DYRK1A: variants seen among roughly 807,000 people sequenced by gnomAD.
DYRK1A encodes the protein dual specificity tyrosine-phosphorylation-regulated kinase 1A.
In DYRK1A, 9 loss-of-function variants were observed where a neutral mutation model predicts 79.7. That is an observed-to-expected ratio of 0.11 (90% CI 0.07 to 0.20). The LOEUF is 0.20. DYRK1A is among the 10% of genes least tolerant of loss of function. The pLI, the probability that DYRK1A is intolerant of heterozygous loss-of-function variation, is 1.00. For synonymous variants in DYRK1A, 349 were observed against 329.7 expected, an observed-to-expected ratio of 1.06 and a Z score of -0.63; for missense variants, 622 against 956.0, an observed-to-expected ratio of 0.65 and a Z score of 4.61.
Position 37,505,075 on chromosome 21 carries a change from A to C in DYRK1A, c.1213-208A>C, listed in dbSNP as rs1601315548. On this transcript the variant is annotated intron_variant, in intron 9 of 11. Coordinates refer to ENST00000647188, the MANE Select transcript of DYRK1A (RefSeq NM_001347721.2). The stretch of plus-strand genomic sequence containing the variant: ...GACCCCTGGGCTAAATGATCTTTAT[A>C]GCCATTTTTGGTCTCAGAATTAATG... 3.1e-5 allele frequency: 17 copies of C among 542,100 alleles called. No homozygotes were observed. The South Asian group carries it at 4.1e-4, about 13-fold the overall frequency. 33.6% of individuals were successfully genotyped at this position (542,100 alleles called of 1,614,324 possible). A position where few individuals can be genotyped will look rare whatever the true frequency, so the allele number is the denominator to read the frequency against.
At chr21:37,452,702 T>C (rs1460121572) in intron 2 of DYRK1A, among the ~76,000 whole-genome samples, 1 of 149,892 alleles carries the variant, frequency 6.7e-6, no homozygotes, top group Non-Finnish European at 1.5e-5. Context: ...CACTAGTCCC[T>C]CTTTTCCCTG....
intron 1 of DYRK1A, among the ~76,000 whole-genome samples, chr21:37,405,188 G>A (rs1462259744): frequency 6.6e-6 from 1 of 152,120 alleles, no homozygotes; most frequent in Non-Finnish European, 1.5e-5. Context: ...CTCTAGAGCA[G>A]TTGAACCCCG....
At position 37,496,377 on chromosome 21, in the gene DYRK1A, T is replaced by A; in HGVS notation, c.1212+119T>A. ...GTGTTTCAGTTAACGATTTTATTGA[T>A]ACCTTACATAGATATTTTGTTCAGA... On this transcript the variant is annotated intron_variant, in intron 9 of 11. Coordinates refer to ENST00000647188, the MANE Select transcript of DYRK1A (RefSeq NM_001347721.2). 9.3e-6 allele frequency: 9 copies of A among 965,848 alleles called. No individual in the cohort carries two copies. The South Asian group carries it at 1.4e-4, about 15-fold the overall frequency. 59.8% of individuals were successfully genotyped at this position (965,848 alleles called of 1,614,324 possible).
chr21:37,457,549 C>T (rs1415003520), intron 2 of DYRK1A, among the ~76,000 whole-genome samples: 1 of 152,162 alleles, frequency 6.6e-6, no homozygotes, highest in African/African-American at 2.4e-5. Context: ...TTGTGTTTAA[C>T]TTTTAAAGCG....
At chr21:37,386,730 A>G (rs2049768468) in intron 1 of DYRK1A, among the ~76,000 whole-genome samples, 1 of 152,186 alleles carries the variant, frequency 6.6e-6, no homozygotes, top group South Asian at 2.1e-4. Context: ...TTGATTTGGT[A>G]GCACAGTGAT....
In DYRK1A at chr21:37,460,108, A is replaced by AT. The variant is rs577575063; in HGVS notation, c.11-12564dup. ...AGATTTGTTGCTTTCTTTAGCATGG[A>AT]TTTTTTTTTTTTGGTAAAGTGTTAG... On this transcript the variant is annotated intron_variant, in intron 2 of 11. Transcript: ENST00000647188. Among the ~76,000 whole-genome samples, 936 of 145,402 alleles carry AT rather than the reference A, an allele frequency of 6.4e-3. 5 individuals carry two copies. Among genetic ancestry groups the AT allele is most frequent in the Middle Eastern group, 0.045 (13 of 286 alleles).
Position 37,524,666 on chromosome 21 carries a change from CAG to C in DYRK1A, c.*12136_*12137del, listed in dbSNP as rs1245348299. ...GAGTGGTTTCCCCTGACTCTCATGACAGGGGTCACCATATGTTATGCACACTG... is the reference window on the plus strand; with the variant it reads ...GAGTGGTTTCCCCTGACTCTCATGACGGGTCACCATATGTTATGCACACTG... On this transcript the variant is annotated 3_prime_UTR_variant, in exon 12 of 12. Coordinates refer to ENST00000647188, the MANE Select transcript of DYRK1A (RefSeq NM_001347721.2). 1 of 152,242 alleles carries C rather than the reference CAG, an allele frequency of 6.6e-6. No individual in the cohort carries two copies. The highest frequency in any genetic ancestry group is 1.5e-5 in the Non-Finnish European group (1 of 68,052). 9.4% of individuals were successfully genotyped at this position (152,242 alleles called of 1,614,324 possible). A position where few individuals can be genotyped will look rare whatever the true frequency, so the allele number is the denominator to read the frequency against.
chr21:37,502,167 T>C (rs1290223181), intron 9 of DYRK1A: 1 of 152,218 alleles, frequency 6.6e-6, no homozygotes, highest in Non-Finnish European at 1.5e-5. Flanking sequence ...ACTGTAAACC[T>C]GTGCCTACCT....
rs10590534 is a variant in DYRK1A at position 37,519,736 on chromosome 21, G to GTTTTTTTTTTTTTTTTTTTTTTTTTTTTT, written c.*7228_*7229insTTTTTTTTTTTTTTTTTTTTTTTTTTTTT. ...AGAGTTTTGAGGTTTGTTGTGGGAA[G>GTTTTTTTTTTTTTTTTTTTTTTTTTTTTT]TTTTTTTTTTTTTTTTTTTTTTTGA... On this transcript the variant is annotated 3_prime_UTR_variant, in exon 12 of 12. Coordinates refer to ENST00000647188, the MANE Select transcript of DYRK1A (RefSeq NM_001347721.2). 2.3e-5 allele frequency: 2 copies of GTTTTTTTTTTTTTTTTTTTTTTTTTTTTT among 85,802 alleles called. No individual in the cohort carries two copies. The highest frequency in any genetic ancestry group is 9.7e-5 in the African/African-American group (2 of 20,580). 5.3% of individuals were successfully genotyped at this position (85,802 alleles called of 1,614,324 possible).
intron 2 of DYRK1A, chr21:37,430,451 G>C (rs777600580): frequency 3.1e-6 from 3 of 975,138 alleles, no homozygotes; most frequent in Non-Finnish European, 3.7e-6. Context: ...TGTTCAACTT[G>C]CACTAGGATA....
At chr21:37,389,329 A>C (rs566002949) in intron 1 of DYRK1A, among the ~76,000 whole-genome samples, 4 of 151,052 alleles carry the variant, frequency 2.6e-5, no homozygotes, top group South Asian at 4.2e-4. Context: ...ATGCCCGACT[A>C]ATTTTTTAGT....
At chr21:37,494,559 A>T (rs954103778) in intron 8 of DYRK1A, among the ~76,000 whole-genome samples, 1 of 150,016 alleles carries the variant, frequency 6.7e-6, no homozygotes, top group Non-Finnish European at 1.5e-5. Context: ...CTGATGTCAC[A>T]TTCTCGGTGA....
intron 5 of DYRK1A, chr21:37,481,106 T>C: frequency 3.5e-6 from 1 of 289,528 alleles, no homozygotes. Flanking sequence ...TGCCTCTTTG[T>C]TATGGGCCTT....
At chr21:37,420,446 A>G (rs533868652) in intron 2 of DYRK1A, 62 bp downstream of exon 2, 27 of 1,551,696 alleles carry the variant, frequency 1.7e-5, no homozygotes, top group Middle Eastern at 1.7e-4. Flanking sequence ...TCGATGGTCT[A>G]TTTTGAATGG....
chr21:37,379,576 G>A (rs1416823253), intron 1 of DYRK1A, among the ~76,000 whole-genome samples: 4 of 152,124 alleles, frequency 2.6e-5, no homozygotes, highest in Non-Finnish European at 5.9e-5. Flanking sequence ...CTTACATTAG[G>A]GACAGGTGGA....
chr21:37,446,099 A>G (rs946697271), intron 2 of DYRK1A, among the ~76,000 whole-genome samples: 1 of 137,736 alleles, frequency 7.3e-6, no homozygotes, highest in Non-Finnish European at 1.6e-5. Flanking sequence ...GAACGCAGTG[A>G]TGTGCAGGAA....
intron 1 of DYRK1A, among the ~76,000 whole-genome samples, chr21:37,381,639 A>AAGTG (rs2049660485): frequency 2.0e-5 from 3 of 152,260 alleles, no homozygotes; most frequent in Admixed American, 2.0e-4. Context: ...TATCGAATAT[A>AAGTG]AGTGCTATAG....
rs1221742183 is a variant in DYRK1A at position 37,446,421 on chromosome 21, GC to G, written c.10+26039del. Among the ~76,000 whole-genome samples the G allele has an allele frequency of 4.6e-5, 7 of 152,170 alleles. No individual in the cohort carries two copies. The East Asian group carries it at 1.2e-3, about 25-fold the overall frequency. Reference sequence around the variant, plus strand: ...TTTCAAGAAATTCAAAATGAAAATGGCCTACTAAGGTCTGTGGGGAAAACTT... The same window carrying G: ...TTTCAAGAAATTCAAAATGAAAATGGCTACTAAGGTCTGTGGGGAAAACTT... On this transcript the variant is annotated intron_variant, in intron 2 of 11. Coordinates refer to ENST00000647188, the MANE Select transcript of DYRK1A (RefSeq NM_001347721.2).
intron 5 of DYRK1A, chr21:37,481,696 T>G (rs1031282248): frequency 2.6e-5 from 4 of 152,124 alleles, no homozygotes; most frequent in Admixed American, 2.6e-4. Context: ...ATGCCTGGCC[T>G]CCTTGTATTT....
Sources: allele counts gnomAD v4.1 joint callset (sites outside exome capture counted in the v4.1 genomes callset), GRCh38; gene constraint gnomAD v4.1.1; transcripts MANE v1.5; gene names NCBI Gene and HGNC (gene_info 2026-07-23, HGNC 2026-07-21).